Variants in BIN2 observed in about 807,000 individuals in gnomAD.
BIN2 encodes breast cancer associated protein BRAP1.
A neutral mutation model predicts 67.9 loss-of-function variants in BIN2; 43 were observed. The ratio of observed to expected loss-of-function variants is 0.63; its 90% confidence interval spans 0.50 to 0.82. The LOEUF (loss-of-function observed/expected upper bound fraction) is 0.82. Ranked by LOEUF, BIN2 falls within the 40% of genes least tolerant of loss-of-function variation. The pLI is 0.00. For synonymous variants in BIN2, 244 were observed against 246.8 expected (o/e 0.99, Z 0.11); for missense variants, 581 against 671.6 (o/e 0.87, Z 1.49).
chr12:51,283,824 G>A (rs1327577562), intron 12 of BIN2, among the ~76,000 whole-genome samples: 11 of 151,734 alleles, frequency 7.2e-5, no homozygotes, highest in African/African-American at 2.2e-4. Flanking sequence ...GAGAAACCCC[G>A]TCTCTACTAA....
At chr12:51,286,230 A>G (rs1020823893) in intron 11 of BIN2, among the ~76,000 whole-genome samples, 3 of 152,164 alleles carry the variant, frequency 2.0e-5, no homozygotes, top group Non-Finnish European at 2.9e-5. Flanking sequence ...TTTATAATGC[A>G]TCTGCAAGGG....
At chr12:51,317,698 G>GA (rs1254232462) in intron 1 of BIN2, among the ~76,000 whole-genome samples, 2 of 151,024 alleles carry the variant, frequency 1.3e-5, no homozygotes, top group African/African-American at 2.4e-5. Flanking sequence ...AATTAAAAAA[G>GA]AAAAAAAAGG....
rs529604577 is a variant in BIN2, at chr12:51,285,540, GT to G, written c.1597-754del. Among the ~76,000 whole-genome samples, 68 of 151,828 alleles carry G rather than the reference GT, an allele frequency of 4.5e-4. 2 individuals carry two copies. In the South Asian group the frequency reaches 0.014, roughly 31 times the overall value. ...GAAGACCCTGTGAGGTTTAAAATAA[GT>G]TTTTAAAACATGAAATTTAATTTAC... On this transcript the variant is annotated intron_variant, in intron 11 of 12. Transcript: ENST00000615107.
chr12:51,323,973 G>C (rs777346520), intron 1 of BIN2, 49 bp downstream of exon 1: 1 of 1,601,206 alleles, frequency 6.2e-7, no homozygotes, highest in Non-Finnish European at 8.5e-7. Context: ...GCTCGGCCTC[G>C]GCCTCGGCTC....
Position 51,297,024 on chromosome 12 carries a change from C to G in BIN2, c.678+65G>C, listed in dbSNP as rs186095299. 7.7e-6 allele frequency: 11 copies of G among 1,435,544 alleles called. No individual in the cohort carries two copies. In the African/African-American group the frequency reaches 1.4e-4, roughly 19 times the overall value. The allele number at this position is 1,435,544 out of a possible 1,614,324, so 88.9% of individuals were successfully genotyped here. On this transcript the variant is annotated intron_variant, in intron 8 of 12. Coordinates refer to ENST00000615107, the MANE Select transcript of BIN2 (RefSeq NM_016293.4). ...GGATATTTAAAGAAATCATGTAAGT[C>G]AAGGCTACCTTCATATTTACTAGAA...
chr12:51,322,111 C>A (rs1333382370), intron 1 of BIN2, among the ~76,000 whole-genome samples: 2 of 152,134 alleles, frequency 1.3e-5, no homozygotes, highest in Non-Finnish European at 2.9e-5. Context: ...GCCAGAAGAA[C>A]CTGAGAGACT....
chr12:51,287,341 T>C (rs933389451), intron 11 of BIN2, among the ~76,000 whole-genome samples: 4 of 151,324 alleles, frequency 2.6e-5, no homozygotes, highest in South Asian at 2.1e-4. Flanking sequence ...TTTTTTTGTT[T>C]TTTTTTTTGA....
At chr12:51,324,580 C>A (rs1946383036), upstream of BIN2, 12 of 1,487,644 alleles carry the variant, frequency 8.1e-6, no homozygotes, top group South Asian at 1.3e-4. Flanking sequence ...GCGTTTCTTG[C>A]TCCAGGTAGG....
intron 9 of BIN2, among the ~76,000 whole-genome samples, chr12:51,293,021 T>C (rs189892985): frequency 1.3e-5 from 2 of 152,026 alleles, no homozygotes; most frequent in South Asian, 2.1e-4. Flanking sequence ...TCAATATTAA[T>C]AAATTAATAA....
At chr12:51,289,713 A>G (rs1010764674) in intron 10 of BIN2, among the ~76,000 whole-genome samples, 1 of 152,092 alleles carries the variant, frequency 6.6e-6, no homozygotes, top group Non-Finnish European at 1.5e-5. Context: ...TTTTTTTTCA[A>G]GACTTAAAAA....
chr12:51,313,127 A>G (rs1486690534), intron 2 of BIN2, among the ~76,000 whole-genome samples: 1 of 150,510 alleles, frequency 6.6e-6, no homozygotes, highest in Non-Finnish European at 1.5e-5. Context: ...AATCTCAGCT[A>G]CTCGGGAGGC....
At chr12:51,317,480 C>G (rs1430544406) in intron 1 of BIN2, among the ~76,000 whole-genome samples, 2 of 150,924 alleles carry the variant, frequency 1.3e-5, no homozygotes, top group Admixed American at 1.3e-4. Flanking sequence ...CCAGCCTGAC[C>G]AACATGGTGA....
chr12:51,306,253 AG>A (rs1218669964), intron 2 of BIN2, among the ~76,000 whole-genome samples: 1 of 152,190 alleles, frequency 6.6e-6, no homozygotes, highest in African/African-American at 2.4e-5. Context: ...AAGGAGTGAA[AG>A]GCACTGTCAG....
At chr12:51,288,950 A>T (rs1024806382) in intron 10 of BIN2, among the ~76,000 whole-genome samples, 1 of 151,906 alleles carries the variant, frequency 6.6e-6, no homozygotes, top group African/African-American at 2.4e-5. Flanking sequence ...GGGTTTCACC[A>T]TGTTGGCCAG....
At chr12:51,284,140 C>T (rs1418064300) in intron 12 of BIN2, among the ~76,000 whole-genome samples, 1 of 152,164 alleles carries the variant, frequency 6.6e-6, no homozygotes. Context: ...AGCTTCCACT[C>T]CTGCAAGCTC....
At chr12:51,294,015 T>C (rs985147498) in intron 9 of BIN2, among the ~76,000 whole-genome samples, 1 of 152,162 alleles carries the variant, frequency 6.6e-6, no homozygotes, top group African/African-American at 2.4e-5. Context: ...TTGATAATAT[T>C]CACAGGGACA....
intron 2 of BIN2, among the ~76,000 whole-genome samples, chr12:51,308,507 G>A (rs1030391131): frequency 8.5e-5 from 13 of 152,190 alleles, no homozygotes; most frequent in African/African-American, 3.1e-4. Flanking sequence ...TGAGGATGGA[G>A]AAAGTTCTTG....
At chr12:51,287,494 G>A (rs1012662955) in intron 11 of BIN2, among the ~76,000 whole-genome samples, 15 of 151,682 alleles carry the variant, frequency 9.9e-5, no homozygotes, top group African/African-American at 1.2e-4. Context: ...CACCATGCCC[G>A]GCTAATTTTT....
chr12:51,322,027 T>C (rs909196610), intron 1 of BIN2, among the ~76,000 whole-genome samples: 1 of 152,222 alleles, frequency 6.6e-6, no homozygotes, highest in Non-Finnish European at 1.5e-5. Flanking sequence ...GAATATCTTG[T>C]TTTCTTCATC....
Sources: allele counts gnomAD v4.1 joint callset (sites outside exome capture counted in the v4.1 genomes callset), GRCh38; gene constraint gnomAD v4.1.1; transcripts MANE v1.5; gene names NCBI Gene and HGNC (gene_info 2026-07-23, HGNC 2026-07-21).